MROH2A: variants seen among roughly 807,000 people sequenced by gnomAD.
MROH2A encodes the protein maestro heat like repeat family member 2A, also known as maestro heat-like repeat-containing protein family member 2A.
MROH2A carries 174 observed loss-of-function variants against 200.4 expected under a neutral mutation model. The observed-to-expected ratio is 0.87, with a 90% CI of 0.77 to 0.98. The LOEUF (loss-of-function observed/expected upper bound fraction) is 0.98, where lower values mean the gene tolerates loss of function less well. Ranked by LOEUF, MROH2A falls within the 50% of genes least tolerant of loss-of-function variation. The pLI is 0.00. For synonymous variants in MROH2A, 829 were observed against 840.4 expected (o/e 0.99, Z 0.23); for missense variants, 2,045 against 2,139.6 (o/e 0.96, Z 0.87).
intron 3 of MROH2A, among the ~76,000 whole-genome samples, chr2:233,782,103 C>G (rs1280324111): frequency 6.6e-6 from 1 of 152,098 alleles, no homozygotes; most frequent in African/African-American, 2.4e-5. Flanking sequence ...TATGCCAGTA[C>G]CATGCTATTT....
intron 3 of MROH2A, among the ~76,000 whole-genome samples, chr2:233,780,509 G>A (rs1700906051): frequency 6.6e-6 from 1 of 152,168 alleles, no homozygotes; most frequent in South Asian, 2.1e-4. Context: ...GGTAGCAAAG[G>A]GGTGCTATGA....
intron 11 of MROH2A, among the ~76,000 whole-genome samples, chr2:233,797,677 G>A (rs970856303): frequency 2.6e-5 from 4 of 152,124 alleles, no homozygotes; most frequent in African/African-American, 7.2e-5. Flanking sequence ...ATGAACATAT[G>A]CTATTTTTTC....
At chr2:233,811,055 A>G in intron 23 of MROH2A, 139 bp downstream of exon 23, 1 of 958,606 alleles carries the variant, frequency 1.0e-6, no homozygotes, top group Non-Finnish European at 1.5e-6. Flanking sequence ...GCTTTGTCCT[A>G]ACTGTAGGAG....
At chr2:233,805,442 A>G (rs1366801690) in intron 19 of MROH2A, among the ~76,000 whole-genome samples, 1 of 152,230 alleles carries the variant, frequency 6.6e-6, no homozygotes, top group Non-Finnish European at 1.5e-5. Context: ...CCCCATGTTC[A>G]TGGATTGAAA....
chr2:233,798,878 G>A (rs570859967), intron 12 of MROH2A, 28 bp downstream of exon 12: 6 of 1,524,308 alleles, frequency 3.9e-6, no homozygotes, highest in Middle Eastern at 1.7e-4. Context: ...TGGAAATGGG[G>A]GGCACTCAGG....
chr2:233,813,606 A>T, intron 24 of MROH2A, 64 bp from the exon 25 acceptor site: 1 of 974,376 alleles, frequency 1.0e-6, no homozygotes, highest in Admixed American at 2.1e-5. Flanking sequence ...CAGATTGGGC[A>T]GTGGGGCAGC....
rs1427786594 is a variant in MROH2A at position 233,796,305 on chromosome 2, G to T, written c.1244G>T (p.Ser415Ile). Residue 415 changes from serine to isoleucine, a missense_variant, in exon 11 of 42, where the codon AGC (serine) becomes ATC (isoleucine). Physicochemically the swap from Ser to Ile is moderately radical, Grantham distance 142 (BLOSUM62 -2). Coordinates refer to ENST00000389758, the MANE Select transcript of MROH2A (RefSeq NM_001394639.1). ...CTGAATCTGATTAGGGCTATAGTGA[G>T]CGCAGATGGTGAGCAAGGCAGGGTG... ...GTLNLIRAIV[S>I]ADEPRMSIRA... 15 of 1,320,150 alleles carry T rather than the reference G, an allele frequency of 1.1e-5. No homozygotes were observed. The East Asian group carries it at 4.8e-4, about 43-fold the overall frequency. The allele number at this position is 1,320,150 out of a possible 1,614,324, so 81.8% of individuals were successfully genotyped here. A position where few individuals can be genotyped will look rare whatever the true frequency, so the allele number is the denominator to read the frequency against.
At position 233,792,869 on chromosome 2, in the gene MROH2A, C is replaced by G. The variant is rs1030959007; in HGVS notation, c.645C>G (p.Ala215=). Residue 215 remains alanine (A), a synonymous_variant, in exon 6 of 42, where the codon GCC becomes GCG. Coordinates refer to ENST00000389758, the MANE Select transcript of MROH2A (RefSeq NM_001394639.1). ...CCATGCTGAGACTTGCCAATGAAGC[C>G]AAGATACGCCAGGCGATCTGCAGTG... ...IFTMLRLANE[A]KIRQAICSAM... 1 of 1,550,462 alleles carries G rather than the reference C, an allele frequency of 6.4e-7. No individual in the cohort carries two copies. The highest frequency in any genetic ancestry group is 8.7e-7 in the Non-Finnish European group (1 of 1,147,022).
Position 233,833,204 on chromosome 2 carries a change from T to C in MROH2A, c.4970T>C (p.Val1657Ala). 3 of 1,550,420 alleles carry C rather than the reference T, an allele frequency of 1.9e-6. No homozygotes were observed. The highest frequency in any genetic ancestry group is 2.6e-6 in the Non-Finnish European group (3 of 1,146,952). Residue 1657 changes from valine to alanine, a missense_variant, in exon 42 of 42, where the codon GTC (valine) becomes GCC (alanine). By Grantham distance (64) the Val-to-Ala change is moderately conservative. Transcript: ENST00000389758. The part of the protein sequence containing the change: ...VRRAALETLT[V>A]LDSCSQHGFL... ...AGGGCAGCCCTGGAGACGCTCACAG[T>C]CTTGGATAGCTGTAGTCAGCATGGG...
At chr2:233,784,063 C>T (rs1701076455) in intron 3 of MROH2A, among the ~76,000 whole-genome samples, 1 of 151,976 alleles carries the variant, frequency 6.6e-6, no homozygotes, top group Non-Finnish European at 1.5e-5. Flanking sequence ...GCACTGATCT[C>T]TTGCCCTTCT....
chr2:233,819,742 G>T (rs1481632720), intron 30 of MROH2A, among the ~76,000 whole-genome samples, 160 bp from the exon 31 acceptor site: 1 of 152,218 alleles, frequency 6.6e-6, no homozygotes, highest in Non-Finnish European at 1.5e-5. Flanking sequence ...AAATGAGTTT[G>T]AGGCAGAGAC....
Position 233,794,503 on chromosome 2 carries a change from G to A in MROH2A, c.963G>A (p.Thr321=), listed in dbSNP as rs545490002. 55 of 1,502,306 alleles carry A rather than the reference G, an allele frequency of 3.7e-5. 1 individual carries two copies. The highest frequency in any genetic ancestry group is 7.4e-5 in the East Asian group (3 of 40,668). The allele number at this position is 1,502,306 out of a possible 1,614,324, so 93.1% of individuals were successfully genotyped here. ...GCAGTCTGGAGGTGCTCTTCGTCAC[G>A]CAGGCGAGTGGCCAGGCAGCCACGG... ...YQGSLEVLFV[T]QVLRQILELS... Residue 321 remains threonine (T), a synonymous_variant, in exon 8 of 42, where the codon ACG becomes ACA. Transcript: ENST00000389758.
At position 233,822,868 on chromosome 2, in the gene MROH2A, C is replaced by T; in HGVS notation, c.3867-13C>T. ...AGCAGGGCAGCGCATCACAAGCTCC[C>T]ACCTCCCTTCAGGGTCACTATCAAG... On this transcript the variant is annotated splice_polypyrimidine_tract_variant and intron_variant, in intron 33 of 41. Coordinates refer to ENST00000389758, the MANE Select transcript of MROH2A (RefSeq NM_001394639.1). The T allele has an allele frequency of 1.3e-6, 2 of 1,550,070 alleles. No individual in the cohort carries two copies. Among genetic ancestry groups the T allele is most frequent in the South Asian group, 1.2e-5 (1 of 84,040 alleles).
chr2:233,830,619 CCCAGG>C (rs1704666398), intron 38 of MROH2A, among the ~76,000 whole-genome samples: 4 of 64,422 alleles, frequency 6.2e-5, no homozygotes, highest in Non-Finnish European at 1.8e-4. Context: ...GGTGGGATGG[CCCAGG>C]TGGCCCAGGT....
At position 233,807,176 on chromosome 2, in the gene MROH2A, T is replaced by C. The variant is rs1375799130; in HGVS notation, c.2053-247T>C. Among the ~76,000 whole-genome samples the C allele has an allele frequency of 6.6e-6, 1 of 152,058 alleles. No homozygotes were observed. The highest frequency in any genetic ancestry group is 1.5e-5 in the Non-Finnish European group (1 of 68,030). On this transcript the variant is annotated intron_variant, in intron 19 of 41. Transcript: ENST00000389758. The surrounding 1 kb of genome is among the most constrained non-coding windows in gnomAD (Gnocchi z 4.3). ...TATATATATATAATATGAACTGATA[T>C]ATGTATATATAAACTGATATATGTA...
chr2:233,803,344 G>A, intron 15 of MROH2A, 104 bp from the exon 16 acceptor site: 2 of 1,255,882 alleles, frequency 1.6e-6, no homozygotes, highest in Non-Finnish European at 2.2e-6. Flanking sequence ...ACAAGATCAT[G>A]TTGGGGAGGA....
intron 3 of MROH2A, among the ~76,000 whole-genome samples, chr2:233,787,656 CA>C (rs1195498103): frequency 3.6e-3 from 87 of 24,504 alleles, no homozygotes; most frequent in Non-Finnish European, 5.1e-3. Context: ...ATCATATATA[CA>C]TATATATTAT....
At chr2:233,815,944 T>G (rs999557606) in intron 26 of MROH2A, among the ~76,000 whole-genome samples, 1 of 152,170 alleles carries the variant, frequency 6.6e-6, no homozygotes, top group Non-Finnish European at 1.5e-5. Flanking sequence ...TTATGATTTC[T>G]TCTTTGACCT....
At chr2:233,808,552 A>T (rs1192250272) in intron 21 of MROH2A, among the ~76,000 whole-genome samples, 1 of 152,206 alleles carries the variant, frequency 6.6e-6, no homozygotes, top group African/African-American at 2.4e-5. Flanking sequence ...AGAGAGTCCC[A>T]GGCTTTCTTC....
Sources: gnomAD v4.1 joint callset for allele counts (sites outside exome capture counted in the v4.1 genomes callset) on GRCh38, gnomAD v4.1.1 for gene constraint, Gnocchi (gnomAD v3.1) non-coding constraint, MANE v1.5 for transcripts, NCBI Gene and HGNC (gene_info 2026-07-23, HGNC 2026-07-21) for gene names.